The following SOX6 variants were observed in gnomAD, a reference collection of about 807,000 sequenced individuals.
SOX6 encodes the protein transcription factor SOX-6.
In SOX6, 11 loss-of-function variants were observed where a neutral mutation model predicts 97.8. That is an observed-to-expected ratio of 0.11 (90% CI 0.07 to 0.19). The LOEUF is 0.19. Among genes scored for constraint, SOX6 ranks in the 10% least tolerant of loss-of-function variants. The pLI is 1.00. For missense variants in SOX6, 810 were observed against 1,039.5 expected, an observed-to-expected ratio of 0.78 and a Z score of 3.04; for synonymous variants, 360 against 371.4, an observed-to-expected ratio of 0.97 and a Z score of 0.35.
intron 3 of SOX6, among the ~76,000 whole-genome samples, chr11:16,697,938 G>A (rs1848066094): frequency 6.6e-6 from 1 of 152,204 alleles, no homozygotes; most frequent in Admixed American, 6.5e-5. Flanking sequence ...TGTCATCCAG[G>A]CTTTGTCATT....
chr11:15,987,154 A>T (rs2119818770), intron 14 of SOX6, among the ~76,000 whole-genome samples: 1 of 152,304 alleles, frequency 6.6e-6, no homozygotes, highest in African/African-American at 2.4e-5. Context: ...TGAAGAGGGG[A>T]TGTGTTTTTT....
intron 4 of SOX6, among the ~76,000 whole-genome samples, chr11:16,526,404 G>A (rs367595879): frequency 0.014 from 2,119 of 151,354 alleles, 40 homozygotes; most frequent in East Asian, 0.052. Context: ...AACACCGCAT[G>A]TTCTCACTCA....
Position 16,188,584 on chromosome 11 carries a change from T to C in SOX6, c.536-1629A>G, listed in dbSNP as rs574196634. Among the ~76,000 whole-genome samples, 3 of 152,300 alleles carry C rather than the reference T, an allele frequency of 2.0e-5. No individual in the cohort carries two copies. In the East Asian group the frequency reaches 5.8e-4, roughly 29 times the overall value. ...AGTTCAACTAATGTATTTGTTAATA[T>C]ATACAGGAATGAGAAAATACAACAC... On this transcript the variant is annotated intron_variant, in intron 4 of 15. Coordinates refer to ENST00000683767, the MANE Select transcript of SOX6 (RefSeq NM_001367873.1).
intron 3 of SOX6, among the ~76,000 whole-genome samples, chr11:16,657,238 C>A (rs1449170205): frequency 1.3e-5 from 2 of 152,162 alleles, no homozygotes; most frequent in African/African-American, 4.8e-5. Flanking sequence ...TTCTTTCACT[C>A]AGTAATATGC....
intron 9 of SOX6, among the ~76,000 whole-genome samples, chr11:16,067,467 G>A (rs1432542546): frequency 3.3e-5 from 5 of 152,072 alleles, no homozygotes; most frequent in Admixed American, 1.3e-4. Context: ...CTGACACCAT[G>A]TAAGACGTGC....
At chr11:16,194,956 C>T (rs141258636) in intron 4 of SOX6, among the ~76,000 whole-genome samples, 4 of 152,324 alleles carry the variant, frequency 2.6e-5, no homozygotes, top group African/African-American at 9.6e-5. Flanking sequence ...TCACTGGCTA[C>T]ATCTCCATAA....
chr11:16,271,697 AT>A (rs559936682), intron 3 of SOX6, among the ~76,000 whole-genome samples: 47 of 151,298 alleles, frequency 3.1e-4, no homozygotes, highest in African/African-American at 9.7e-4. Flanking sequence ...CTGTAATTTA[AT>A]TGTCATTTTA....
chr11:16,557,247 G>A (rs139779781), intron 4 of SOX6, among the ~76,000 whole-genome samples: 1 of 151,874 alleles, frequency 6.6e-6, no homozygotes, highest in East Asian at 1.9e-4. Context: ...GACAAAGTAA[G>A]GTTAGGAACT....
intron 6 of SOX6, among the ~76,000 whole-genome samples, chr11:16,139,168 T>A (rs1266617140): frequency 6.6e-6 from 1 of 152,200 alleles, no homozygotes; most frequent in African/African-American, 2.4e-5. Flanking sequence ...TAATATAGTA[T>A]CTACCAGGTT....
chr11:16,539,977 G>A (rs1311010326), intron 4 of SOX6, among the ~76,000 whole-genome samples: 1 of 152,288 alleles, frequency 6.6e-6, no homozygotes, highest in South Asian at 2.1e-4. Context: ...TATGAGGCCA[G>A]CATCATCCTG....
intron 5 of SOX6, among the ~76,000 whole-genome samples, chr11:16,184,463 A>C (rs1273033458): frequency 6.6e-6 from 1 of 152,130 alleles, no homozygotes; most frequent in African/African-American, 2.4e-5. Context: ...AAAAGTAAAA[A>C]ATCTTTAGCT....
chr11:16,534,719 C>T (rs548406248), intron 4 of SOX6, among the ~76,000 whole-genome samples: 2 of 152,060 alleles, frequency 1.3e-5, no homozygotes, highest in African/African-American at 2.4e-5. Context: ...GTCCTCCTGA[C>T]CCTCACACCC....
chr11:16,070,048 G>T (rs536916816), intron 9 of SOX6, among the ~76,000 whole-genome samples: 1 of 152,064 alleles, frequency 6.6e-6, no homozygotes, highest in East Asian at 1.9e-4. Flanking sequence ...CCAGCTACTC[G>T]GGAGGTTGAG....
intron 1 of SOX6, among the ~76,000 whole-genome samples, chr11:16,457,991 G>C (rs1252115522): frequency 6.6e-6 from 1 of 152,000 alleles, no homozygotes; most frequent in African/African-American, 2.4e-5. Flanking sequence ...TGATGATAAT[G>C]ATGATGACGA....
intron 4 of SOX6, among the ~76,000 whole-genome samples, chr11:16,569,470 T>C (rs974807443): frequency 9.2e-5 from 14 of 152,190 alleles, no homozygotes; most frequent in Non-Finnish European, 2.9e-5. Context: ...ACAGTACGTA[T>C]ACAGCAGTAT....
intron 12 of SOX6, among the ~76,000 whole-genome samples, chr11:16,029,511 C>CT (rs1341731406): frequency 6.6e-6 from 1 of 152,102 alleles, no homozygotes; most frequent in Non-Finnish European, 1.5e-5. Context: ...TAGCGGGCTC[C>CT]TGTAATCCGA....
chr11:16,483,026 T>C (rs1348031823), intron 4 of SOX6, among the ~76,000 whole-genome samples: 1 of 152,164 alleles, frequency 6.6e-6, no homozygotes, highest in Non-Finnish European at 1.5e-5. Flanking sequence ...GTCAATACAG[T>C]GAAAAAAGCA....
intron 1 of SOX6, among the ~76,000 whole-genome samples, chr11:16,447,806 A>C (rs997199931): frequency 6.6e-6 from 1 of 152,228 alleles, no homozygotes; most frequent in African/African-American, 2.4e-5. Flanking sequence ...TTTGGAGTCA[A>C]TCAGCATGAC....
At chr11:16,733,553 G>A (rs1331688803) in intron 2 of SOX6, among the ~76,000 whole-genome samples, 2 of 88,508 alleles carry the variant, frequency 2.3e-5, no homozygotes, top group Non-Finnish European at 4.1e-5. Flanking sequence ...ACAGGGAGGG[G>A]AATATCACAT....
Sources: allele counts gnomAD v4.1 joint callset (sites outside exome capture counted in the v4.1 genomes callset), GRCh38; gene constraint gnomAD v4.1.1; transcripts MANE v1.5; gene names NCBI Gene and HGNC (gene_info 2026-07-23, HGNC 2026-07-21).